The following KIF16B variants were observed in gnomAD, a reference collection of about 807,000 sequenced individuals.
The protein encoded by KIF16B is kinesin-like protein KIF16B.
Under a neutral mutation model 156.3 loss-of-function variants are expected in KIF16B, and 98 were observed. The ratio of observed to expected loss-of-function variants is 0.63; its 90% CI spans 0.53 to 0.74. The LOEUF (loss-of-function observed/expected upper bound fraction) is 0.74, where lower values mean the gene tolerates loss of function less well. Among genes scored for constraint, KIF16B ranks in the 30% least tolerant of loss-of-function variants. The pLI, the probability that KIF16B is intolerant of heterozygous loss-of-function variation, is 0.00. For synonymous variants in KIF16B, 564 were observed against 583.7 expected (o/e 0.97, Z 0.49); for missense variants, 1,421 against 1,606.5 (o/e 0.88, Z 1.97).
At chr20:16,285,890 T>C (rs938553896) in intron 25 of KIF16B, among the ~76,000 whole-genome samples, 1 of 152,168 alleles carries the variant, frequency 6.6e-6, no homozygotes, top group African/African-American at 2.4e-5. Flanking sequence ...CATTTCAACT[T>C]ACACAAGCAG....
At chr20:16,320,144 T>C (rs1008831095) in intron 24 of KIF16B, among the ~76,000 whole-genome samples, 3 of 152,070 alleles carry the variant, frequency 2.0e-5, no homozygotes, top group African/African-American at 7.2e-5. Context: ...AAGACAACAA[T>C]GGAAGACAAA....
At chr20:16,382,189 G>T in intron 17 of KIF16B, 1 of 1,128,530 alleles carries the variant, frequency 8.9e-7, no homozygotes, top group African/African-American at 1.6e-5. Flanking sequence ...ATCAATTAAG[G>T]AAAGCATTTA....
chr20:16,385,878 A>G (rs1232027431), intron 17 of KIF16B, among the ~76,000 whole-genome samples: 1 of 152,194 alleles, frequency 6.6e-6, no homozygotes, highest in Non-Finnish European at 1.5e-5. Flanking sequence ...CCCATTTCAC[A>G]CATGAGAAAT....
At position 16,380,050 on chromosome 20, in the gene KIF16B, A is replaced by G. The variant is rs201066559; in HGVS notation, c.1952T>C (p.Ile651Thr). The change falls in exon 19 of 26, where the codon ATT becomes ACT. Residue 651 changes from isoleucine to threonine, a missense_variant. Ile to Thr is a moderately conservative substitution (Grantham distance 89). Coordinates refer to ENST00000354981, the MANE Select transcript of KIF16B (RefSeq NM_024704.5). ...TTTGAGGCTCTCCTCCTGCTTGCGA[A>G]TCTGGAGCTGCACGATTTCTGTCTC... ...RKETEIVQLQ[I>T]RKQEESLKRR... 9.6e-6 allele frequency: 15 copies of G among 1,570,630 alleles called. No homozygotes were observed. The highest frequency in any genetic ancestry group is 1.3e-5 in the Non-Finnish European group (15 of 1,162,520).
intron 1 of KIF16B, among the ~76,000 whole-genome samples, chr20:16,530,325 C>T (rs1265898401): frequency 6.6e-6 from 1 of 152,154 alleles, no homozygotes; most frequent in Non-Finnish European, 1.5e-5. Context: ...ATGACTACAA[C>T]ACAAACACAC....
chr20:16,471,683 C>T (rs1344384316), intron 12 of KIF16B, among the ~76,000 whole-genome samples: 1 of 152,120 alleles, frequency 6.6e-6, no homozygotes, highest in African/African-American at 2.4e-5. Flanking sequence ...TTTAAAAATC[C>T]ATCACAGAAT....
intron 12 of KIF16B, among the ~76,000 whole-genome samples, chr20:16,484,995 T>G (rs2068077289): frequency 6.6e-6 from 1 of 152,212 alleles, no homozygotes; most frequent in African/African-American, 2.4e-5. Flanking sequence ...TATTCCCCAC[T>G]CCTACACTGT....
intron 22 of KIF16B, chr20:16,368,900 G>A: frequency 2.0e-6 from 2 of 985,840 alleles, no homozygotes; most frequent in Non-Finnish European, 1.2e-6. Flanking sequence ...TGAGTCATCA[G>A]CTCACTGAAA....
chr20:16,292,068 G>A (rs1199174934), intron 25 of KIF16B, among the ~76,000 whole-genome samples: 1 of 152,074 alleles, frequency 6.6e-6, no homozygotes, highest in African/African-American at 2.4e-5. Context: ...TCCAACATGA[G>A]TTTAATTTTA....
At chr20:16,278,734 CAGA>C (rs2063101058) in intron 25 of KIF16B, among the ~76,000 whole-genome samples, 1 of 152,288 alleles carries the variant, frequency 6.6e-6, no homozygotes, top group Non-Finnish European at 1.5e-5. Flanking sequence ...AAGACACGAG[CAGA>C]AGAAGGGGGG....
intron 12 of KIF16B, among the ~76,000 whole-genome samples, chr20:16,484,378 C>T (rs1398330963): frequency 6.6e-6 from 1 of 152,182 alleles, no homozygotes; most frequent in Non-Finnish European, 1.5e-5. Context: ...CAGTCATCTC[C>T]CCCTGTTAAT....
intron 1 of KIF16B, among the ~76,000 whole-genome samples, chr20:16,571,210 C>T (rs2071436940): frequency 1.3e-5 from 2 of 152,150 alleles, no homozygotes; most frequent in Admixed American, 1.3e-4. Context: ...CGCATTCTTC[C>T]CCCTTCTTCC....
At chr20:16,319,627 T>G (rs965839060) in intron 24 of KIF16B, among the ~76,000 whole-genome samples, 5 of 152,168 alleles carry the variant, frequency 3.3e-5, no homozygotes, top group Non-Finnish European at 1.5e-5. Flanking sequence ...AGAAACACTA[T>G]GAACAGTAAT....
intron 12 of KIF16B, among the ~76,000 whole-genome samples, chr20:16,464,536 C>T (rs937296876): frequency 6.6e-6 from 1 of 151,934 alleles, no homozygotes; most frequent in Admixed American, 6.6e-5. Flanking sequence ...CCAAAAATTC[C>T]ATCTCATGAA....
At chr20:16,329,660 T>C (rs2063915505) in intron 24 of KIF16B, among the ~76,000 whole-genome samples, 1 of 152,128 alleles carries the variant, frequency 6.6e-6, no homozygotes, top group Non-Finnish European at 1.5e-5. Context: ...TAAGATTCCA[T>C]ACAAGGTCAA....
At chr20:16,555,429 T>G (rs1283006361) in intron 1 of KIF16B, among the ~76,000 whole-genome samples, 2 of 152,186 alleles carry the variant, frequency 1.3e-5, no homozygotes, top group Non-Finnish European at 2.9e-5. Flanking sequence ...CACTCTGCAC[T>G]GTACTGGGCA....
In KIF16B at chr20:16,550,528, CTT is replaced by C. The variant is rs745923425; in HGVS notation, c.48-22090_48-22089del. On this transcript the variant is annotated intron_variant, in intron 1 of 25. Transcript: ENST00000354981. ...AGCTTGTTAAAACACATGAAACATT[CTT>C]TTTTTTTTTTTTTTTTTTTTTGACA... 1.1e-3 allele frequency among the ~76,000 whole-genome samples: 112 copies of C among 103,484 alleles called. 1 individual carries two copies. Among genetic ancestry groups the C allele is most frequent in the African/African-American group, 3.6e-3 (91 of 25,426 alleles). The allele number at this position is 103,484 out of a possible 152,430, so 67.9% of individuals were successfully genotyped here.
intron 5 of KIF16B, 83 bp downstream of exon 5, chr20:16,512,743 T>C (rs2068996338): frequency 1.2e-6 from 1 of 857,422 alleles, no homozygotes; most frequent in Admixed American, 1.9e-5. Context: ...AAAGACCTTA[T>C]CCATTTCCAG....
In KIF16B at chr20:16,370,644, G is replaced by A; in HGVS notation, c.3448-8C>T. ...GTGAAGTTTCTCATTATCCTGAAAA[G>A]AAAAGAAAAAGCCCTCTATATTAAA... On this transcript the variant is annotated splice_polypyrimidine_tract_variant and splice_region_variant and intron_variant, in intron 21 of 25. Coordinates refer to ENST00000354981, the MANE Select transcript of KIF16B (RefSeq NM_024704.5). 6.3e-7 allele frequency: 1 copy of A among 1,580,350 alleles called. No homozygotes were observed. Among genetic ancestry groups the A allele is most frequent in the Non-Finnish European group, 8.5e-7 (1 of 1,170,062 alleles).
Sources: allele counts gnomAD v4.1 joint callset (sites outside exome capture counted in the v4.1 genomes callset), GRCh38; gene constraint gnomAD v4.1.1; transcripts MANE v1.5; gene names NCBI Gene and HGNC (gene_info 2026-07-23, HGNC 2026-07-21).